Variants in WIF1 observed in about 807,000 individuals in gnomAD.
WIF1 encodes Wnt inhibitory factor 1.
Under a neutral mutation model 53.5 loss-of-function variants are expected in WIF1, and 35 were observed. The ratio of observed to expected loss-of-function variants is 0.65; its 90% CI spans 0.50 to 0.87. The LOEUF is 0.87. Ranked by LOEUF, WIF1 falls within the 40% of genes least tolerant of loss-of-function variation. WIF1 has a pLI of 0.00. For synonymous variants in WIF1, 171 were observed against 170.4 expected (o/e 1.00, Z -0.03); for missense variants, 467 against 476.8 (o/e 0.98, Z 0.19).
Position 65,089,953 on chromosome 12 carries a change from C to T in WIF1, c.289-12099G>A, listed in dbSNP as rs551568800. The stretch of plus-strand genomic sequence containing the variant: ...GCAGTGACTAATCTATTTTTTGTGG[C>T]TGAAAAACTGTTTCTAAAAAATGAA... On this transcript the variant is annotated intron_variant, in intron 2 of 9. Coordinates refer to ENST00000286574, the MANE Select transcript of WIF1 (RefSeq NM_007191.5). 3.3e-5 allele frequency among the ~76,000 whole-genome samples: 5 copies of T among 151,914 alleles called. No individual in the cohort carries two copies. The East Asian group carries it at 7.7e-4, about 24-fold the overall frequency.
chr12:65,055,275 A>G, intron 8 of WIF1, 62 bp from the exon 9 acceptor site: 1 of 1,546,652 alleles, frequency 6.5e-7, no homozygotes, highest in Non-Finnish European at 8.8e-7. Context: ...AGAATTACAT[A>G]GTTGCTTTCC....
At chr12:65,115,351 C>A (rs970895273) in intron 2 of WIF1, among the ~76,000 whole-genome samples, 1 of 152,034 alleles carries the variant, frequency 6.6e-6, no homozygotes, top group Non-Finnish European at 1.5e-5. Context: ...TAAATAAAAA[C>A]CTTTTGGCCT....
intron 7 of WIF1, 141 bp from the exon 8 acceptor site, chr12:65,056,267 C>CTTT: frequency 4.1e-6 from 2 of 486,778 alleles, no homozygotes; most frequent in East Asian, 4.1e-5. Flanking sequence ...TCTACTCTGG[C>CTTT]TTTTTTTTTT....
intron 2 of WIF1, among the ~76,000 whole-genome samples, chr12:65,079,906 T>A (rs1447431915): frequency 6.6e-6 from 1 of 152,132 alleles, no homozygotes; most frequent in African/African-American, 2.4e-5. Flanking sequence ...TATCTATTAA[T>A]TAAAGAAATT....
intron 2 of WIF1, among the ~76,000 whole-genome samples, chr12:65,083,339 C>T (rs978359154): frequency 6.6e-6 from 1 of 152,148 alleles, no homozygotes; most frequent in Admixed American, 6.6e-5. Context: ...TTAAAATAAT[C>T]TGAATATCTA....
chr12:65,092,423 C>CATAT (rs150009577), intron 2 of WIF1, among the ~76,000 whole-genome samples: 6 of 148,590 alleles, frequency 4.0e-5, no homozygotes, highest in South Asian at 2.1e-4. Flanking sequence ...CCAGAACATA[C>CATAT]ATATATATAT....
intron 3 of WIF1, among the ~76,000 whole-genome samples, chr12:65,075,952 T>C (rs1248810137): frequency 6.6e-6 from 1 of 152,206 alleles, no homozygotes. Flanking sequence ...GTCTAATAGA[T>C]ACAAGAAAAT....
rs781007037 is a variant in WIF1, at chr12:65,068,763, C to T, written c.538+1G>A. The T allele has an allele frequency of 6.2e-7, 1 of 1,612,684 alleles. No individual in the cohort carries two copies. The highest frequency in any genetic ancestry group is 1.1e-5 in the South Asian group (1 of 90,912). ...TCTCTTGAATCACCATCGGTGCTTA[C>T]CTTGTTGACATGTTTTAAAGAAGAT... On this transcript the variant is annotated splice_donor_variant, in intron 4 of 9. Coordinates refer to ENST00000286574, the MANE Select transcript of WIF1 (RefSeq NM_007191.5). LOFTEE classifies it high-confidence loss of function.
At chr12:65,055,932 C>T (rs1046605614) in intron 8 of WIF1, 99 bp downstream of exon 8, 1 of 1,042,042 alleles carries the variant, frequency 9.6e-7, no homozygotes, top group Admixed American at 2.3e-5. Context: ...AACTGTGATG[C>T]CCAGGCAACA....
intron 1 of WIF1, chr12:65,120,762 A>G: frequency 1.3e-6 from 1 of 792,532 alleles, no homozygotes; most frequent in Non-Finnish European, 1.9e-6. Flanking sequence ...TTCAGGGAAA[A>G]GGGATGGACA....
Position 65,120,561 on chromosome 12 carries a change from T to C in WIF1, c.149-5A>G, listed in dbSNP as rs773672455. 1 of 1,602,582 alleles carries C rather than the reference T, an allele frequency of 6.2e-7. No individual in the cohort carries two copies. The highest frequency in any genetic ancestry group is 8.5e-7 in the Non-Finnish European group (1 of 1,177,230). ...TCAGGATATCTTCTTCAAATCCTGGTTTTTAAAATAATAAAACGATCAAAC... is the reference window on the plus strand; with the variant it reads ...TCAGGATATCTTCTTCAAATCCTGGCTTTTAAAATAATAAAACGATCAAAC... On this transcript the variant is annotated splice_region_variant and splice_polypyrimidine_tract_variant and intron_variant, in intron 1 of 9. Coordinates refer to ENST00000286574, the MANE Select transcript of WIF1 (RefSeq NM_007191.5).
At chr12:65,065,832 G>T (rs1056634807) in intron 6 of WIF1, among the ~76,000 whole-genome samples, 1 of 152,092 alleles carries the variant, frequency 6.6e-6, no homozygotes, top group African/African-American at 2.4e-5. Flanking sequence ...CAAGTCTCTT[G>T]TAAAGAGTAT....
At position 65,110,274 on chromosome 12, in the gene WIF1, A is replaced by G. The variant is rs899938473; in HGVS notation, c.288+10143T>C. On this transcript the variant is annotated intron_variant, in intron 2 of 9. Coordinates refer to ENST00000286574, the MANE Select transcript of WIF1 (RefSeq NM_007191.5). The stretch of plus-strand genomic sequence containing the variant: ...CCCTGCCCCCTTCCCCTGGCCCCCA[A>G]TATTCTCCTTTCCACACAACAAGCC... Among the ~76,000 whole-genome samples, 4 of 137,588 alleles carry G rather than the reference A, an allele frequency of 2.9e-5. No individual in the cohort carries two copies. In the South Asian group the frequency reaches 8.3e-4, roughly 28 times the overall value. The allele number at this position is 137,588 out of a possible 152,430, so 90.3% of individuals were successfully genotyped here. A position where few individuals can be genotyped will look rare whatever the true frequency, so the allele number is the denominator to read the frequency against.
intron 2 of WIF1, among the ~76,000 whole-genome samples, chr12:65,088,593 T>C (rs2136628362): frequency 6.6e-6 from 1 of 152,290 alleles, no homozygotes; most frequent in South Asian, 2.1e-4. Context: ...AAAAGGTTAC[T>C]GATGATTTCC....
At chr12:65,104,571 G>T (rs1003539976) in intron 2 of WIF1, among the ~76,000 whole-genome samples, 1 of 152,192 alleles carries the variant, frequency 6.6e-6, no homozygotes, top group African/African-American at 2.4e-5. Context: ...TTTGTAAAGT[G>T]AGAATATCAG....
intron 5 of WIF1, among the ~76,000 whole-genome samples, chr12:65,067,485 A>G (rs1488360379): frequency 2.6e-5 from 4 of 152,204 alleles, no homozygotes; most frequent in Admixed American, 6.6e-5. Context: ...AGATTATGCC[A>G]AAGTACAGTG....
chr12:65,072,370 C>T (rs939416779), intron 3 of WIF1, among the ~76,000 whole-genome samples: 1 of 152,110 alleles, frequency 6.6e-6, no homozygotes, highest in African/African-American at 2.4e-5. Context: ...TATATAATTA[C>T]ATTTATATAT....
chr12:65,113,484 T>C (rs937294365), intron 2 of WIF1, among the ~76,000 whole-genome samples: 1 of 152,164 alleles, frequency 6.6e-6, no homozygotes, highest in African/African-American at 2.4e-5. Context: ...TATGTGCTTT[T>C]ATACCACCGT....
At chr12:65,071,684 C>T (rs1052111739) in intron 3 of WIF1, among the ~76,000 whole-genome samples, 1 of 152,110 alleles carries the variant, frequency 6.6e-6, no homozygotes, top group Non-Finnish European at 1.5e-5. Context: ...TTAAAAATCC[C>T]ATCAGCCCAG....
Sources: allele counts gnomAD v4.1 joint callset (sites outside exome capture counted in the v4.1 genomes callset), GRCh38; gene constraint gnomAD v4.1.1; transcripts MANE v1.5; gene names NCBI Gene and HGNC (gene_info 2026-07-23, HGNC 2026-07-21).